The following SEMA5B variants were observed in gnomAD, a reference collection of about 807,000 sequenced individuals.
SEMA5B encodes the protein semaphorin 5B, also known as semaphorin-5B.
SEMA5B carries 66 observed loss-of-function variants against 135.0 expected under a neutral mutation model. That is an observed-to-expected ratio of 0.49 (90% CI 0.40 to 0.60). The LOEUF is 0.60. SEMA5B is among the 20% of genes least tolerant of loss of function. SEMA5B has a pLI of 0.00. For missense variants in SEMA5B, 1,501 were observed against 1,566.3 expected (o/e 0.96, Z 0.70); for synonymous variants, 690 against 639.5 (o/e 1.08, Z -1.19).
At chr3:123,015,767 C>T (rs576214123) in intron 1 of SEMA5B, among the ~76,000 whole-genome samples, 1 of 152,312 alleles carries the variant, frequency 6.6e-6, no homozygotes, top group East Asian at 1.9e-4. Context: ...CTGAGAAACT[C>T]AAGACTCCAC....
At chr3:122,974,104 C>T (rs547890843) in intron 1 of SEMA5B, among the ~76,000 whole-genome samples, 3 of 152,212 alleles carry the variant, frequency 2.0e-5, no homozygotes, top group Admixed American at 1.3e-4. Context: ...ACACCACCCC[C>T]CATCTGCTCC....
chr3:123,019,612 T>C (rs1366242676), intron 1 of SEMA5B, among the ~76,000 whole-genome samples: 36 of 152,154 alleles, frequency 2.4e-4, no homozygotes, highest in Admixed American at 2.3e-3. Context: ...AATCTTTTTT[T>C]AAATGTGTAC....
intron 5 of SEMA5B, 49 bp from the exon 6 acceptor site, chr3:122,929,107 T>A: frequency 6.4e-7 from 1 of 1,557,848 alleles, no homozygotes; most frequent in East Asian, 2.3e-5. Context: ...CTGTGTCATT[T>A]ACTGCCACTC....
rs146036431 is a variant in SEMA5B at position 122,990,136 on chromosome 3, C to A, written c.-38-28835G>T. Among the ~76,000 whole-genome samples, 563 of 152,274 alleles carry A rather than the reference C, an allele frequency of 3.7e-3. 6 individuals carry two copies. The highest frequency in any genetic ancestry group is 9.9e-3 in the African/African-American group (411 of 41,548). On this transcript the variant is annotated intron_variant, in intron 1 of 22. Transcript: ENST00000357599. The stretch of plus-strand genomic sequence containing the variant: ...GAGATGATTTGTTGGTTTGTGGCAC[C>A]TGGAGCACCTCTCAGCGCCCTTCCA...
intron 14 of SEMA5B, among the ~76,000 whole-genome samples, chr3:122,914,318 C>T (rs1467122652): frequency 1.3e-5 from 2 of 152,206 alleles, no homozygotes; most frequent in African/African-American, 2.4e-5. Context: ...GCCCTAGTCC[C>T]CTTTCCAGTC....
At chr3:122,932,938 T>C (rs1448616901) in intron 5 of SEMA5B, among the ~76,000 whole-genome samples, 1 of 152,190 alleles carries the variant, frequency 6.6e-6, no homozygotes, top group Admixed American at 6.5e-5. Context: ...CAGACTTGTC[T>C]TATACTCTTG....
chr3:122,930,593 T>C (rs2107663402), intron 5 of SEMA5B, among the ~76,000 whole-genome samples: 1 of 152,304 alleles, frequency 6.6e-6, no homozygotes, highest in South Asian at 2.1e-4. Context: ...GAGGACCGCA[T>C]GAGCAAAGGG....
At chr3:122,943,585 C>T in intron 3 of SEMA5B, 50 bp from the exon 4 acceptor site, 1 of 1,341,672 alleles carries the variant, frequency 7.5e-7, no homozygotes, top group Non-Finnish European at 1.1e-6. Context: ...CAGAGGCTCC[C>T]AGCTGCATCG....
At chr3:123,004,810 A>G (rs370019358) in intron 1 of SEMA5B, among the ~76,000 whole-genome samples, 1 of 152,338 alleles carries the variant, frequency 6.6e-6, no homozygotes, top group South Asian at 2.1e-4. Context: ...TTTTAGAGCA[A>G]ACATTCAGGC....
intron 5 of SEMA5B, among the ~76,000 whole-genome samples, chr3:122,936,779 C>T (rs950619605): frequency 1.9e-4 from 29 of 152,244 alleles, no homozygotes; most frequent in Admixed American, 1.6e-3. Context: ...TTGATTTCCC[C>T]CACTCCTCCA....
At chr3:122,954,771 T>C (rs1252436123) in intron 2 of SEMA5B, among the ~76,000 whole-genome samples, 2 of 150,084 alleles carry the variant, frequency 1.3e-5, no homozygotes, top group African/African-American at 4.9e-5. Context: ...CAGAAAAATA[T>C]GGGCCCTGTG....
chr3:122,935,935 C>T lies in SEMA5B; in HGVS notation c.474+3490G>A, dbSNP rs137943723. Among the ~76,000 whole-genome samples the T allele has an allele frequency of 1.1e-4, 17 of 152,126 alleles. 1 individual carries two copies. The highest frequency in any genetic ancestry group is 2.6e-4 in the Admixed American group (4 of 15,286). Reference sequence around the variant, plus strand: ...CTTGAACTTCTGACCTCAGGTGATCCGCCTGCCTTGGGCTCCCAAAGTGCT... The same window carrying T: ...CTTGAACTTCTGACCTCAGGTGATCTGCCTGCCTTGGGCTCCCAAAGTGCT... On this transcript the variant is annotated intron_variant, in intron 5 of 22. Coordinates refer to ENST00000357599, the MANE Select transcript of SEMA5B (RefSeq NM_001031702.4).
chr3:123,003,222 T>C (rs1037510690), intron 1 of SEMA5B, among the ~76,000 whole-genome samples: 2 of 152,094 alleles, frequency 1.3e-5, no homozygotes, highest in Non-Finnish European at 2.9e-5. Context: ...TACTTCCAAA[T>C]CAAAACATAA....
At position 122,928,509 on chromosome 3, in the gene SEMA5B, G is replaced by A. The variant is rs370022833; in HGVS notation, c.636+8C>T. 8 of 1,551,412 alleles carry A rather than the reference G, an allele frequency of 5.2e-6. No individual in the cohort carries two copies. In the African/African-American group the frequency reaches 6.8e-5, roughly 13 times the overall value. ...CCCCTTCAGTCTCCTCCACCCTGAG[G>A]TGCCCACCTGTCTGCTGGTGCACAT... On this transcript the variant is annotated splice_region_variant and intron_variant, in intron 7 of 22. Coordinates refer to ENST00000357599, the MANE Select transcript of SEMA5B (RefSeq NM_001031702.4).
chr3:122,961,111 G>C (rs770900684), intron 2 of SEMA5B, 29 bp downstream of exon 2: 1 of 1,577,588 alleles, frequency 6.3e-7, no homozygotes, highest in South Asian at 1.2e-5. Context: ...ACCTGCTGCA[G>C]CCCCCCACAC....
chr3:122,929,498 C>G (rs561437617), intron 5 of SEMA5B, among the ~76,000 whole-genome samples: 7 of 152,160 alleles, frequency 4.6e-5, no homozygotes, highest in African/African-American at 1.4e-4. Context: ...TTTGGCAAAC[C>G]CTGAATGTAA....
At chr3:122,988,906 T>A (rs1364995790) in intron 1 of SEMA5B, among the ~76,000 whole-genome samples, 1 of 152,212 alleles carries the variant, frequency 6.6e-6, no homozygotes, top group African/African-American at 2.4e-5. Context: ...AAGAAATGAA[T>A]GCAGGCATGA....
chr3:123,016,081 G>A (rs534874030), intron 1 of SEMA5B, among the ~76,000 whole-genome samples: 3 of 152,194 alleles, frequency 2.0e-5, no homozygotes, highest in African/African-American at 7.2e-5. Context: ...GATGAGGGGT[G>A]GGAAGGAAAG....
chr3:122,957,506 C>A (rs1333889903), intron 2 of SEMA5B, among the ~76,000 whole-genome samples: 1 of 152,226 alleles, frequency 6.6e-6, no homozygotes, highest in Non-Finnish European at 1.5e-5. Flanking sequence ...AGGGTAACCT[C>A]ACACTTCTTT....
Sources: allele counts gnomAD v4.1 joint callset (sites outside exome capture counted in the v4.1 genomes callset), GRCh38; gene constraint gnomAD v4.1.1; transcripts MANE v1.5; gene names NCBI Gene and HGNC (gene_info 2026-07-23, HGNC 2026-07-21).